The following RPS6KA6 variants were observed in gnomAD, a reference collection of about 807,000 sequenced individuals.
RPS6KA6 encodes ribosomal protein S6 kinase alpha-6.
In RPS6KA6, 27 loss-of-function variants were observed where a neutral mutation model predicts 65.4. That is an observed-to-expected ratio of 0.41 (90% CI 0.30 to 0.57). The LOEUF is 0.57. Ranked by LOEUF, RPS6KA6 falls within the 20% of genes least tolerant of loss-of-function variation. RPS6KA6 has a pLI of 0.24. For missense variants in RPS6KA6, 486 were observed against 555.6 expected, an observed-to-expected ratio of 0.87 and a Z score of 1.26; for synonymous variants, 190 against 184.2, an observed-to-expected ratio of 1.03 and a Z score of -0.26.
intron 20 of RPS6KA6, among the ~76,000 whole-genome samples, chrX:84,091,199 AAAAT>A (rs199951619): frequency 6.2e-4 from 70 of 112,603 alleles, no homozygotes; most frequent in African/African-American, 2.0e-3. Context: ...GCCAAAATGA[AAAAT>A]AAATATTTAT....
At chrX:84,113,469 T>A (rs1335312028) in intron 12 of RPS6KA6, among the ~76,000 whole-genome samples, 1 of 111,944 alleles carries the variant, frequency 8.9e-6, no homozygotes, top group Non-Finnish European at 1.9e-5. Flanking sequence ...TTAATCATGA[T>A]CAAGTGGATT....
intron 20 of RPS6KA6, among the ~76,000 whole-genome samples, chrX:84,069,814 C>T (rs1449567917): frequency 8.9e-6 from 1 of 112,447 alleles, no homozygotes; most frequent in Non-Finnish European, 1.9e-5. Context: ...AAAAAAAGCT[C>T]ATCATCACTG....
intron 21 of RPS6KA6, among the ~76,000 whole-genome samples, chrX:84,064,680 T>G (rs1377946951): frequency 9.0e-6 from 1 of 111,509 alleles, no homozygotes; most frequent in Non-Finnish European, 1.9e-5. Flanking sequence ...AGTTATAAAT[T>G]AAGAACTAAC....
At chrX:84,157,679 T>C (rs1403652066) in intron 2 of RPS6KA6, among the ~76,000 whole-genome samples, 1 of 110,888 alleles carries the variant, frequency 9.0e-6, no homozygotes, top group African/African-American at 3.3e-5. Flanking sequence ...GATTCTATAC[T>C]GAACACAATA....
At chrX:84,133,593 T>C (rs1210911285) in intron 8 of RPS6KA6, among the ~76,000 whole-genome samples, 1 of 111,334 alleles carries the variant, frequency 9.0e-6, no homozygotes, top group African/African-American at 3.3e-5. Flanking sequence ...AACCTTAATG[T>C]AGAGAGAGAA....
chrX:84,071,852 T>C (rs2033549902), intron 20 of RPS6KA6, among the ~76,000 whole-genome samples: 1 of 111,419 alleles, frequency 9.0e-6, no homozygotes, highest in African/African-American at 3.3e-5. Context: ...ATTGATACGT[T>C]CCTGGATATA....
chrX:84,187,659 C>G (rs1248172487), intron 1 of RPS6KA6, among the ~76,000 whole-genome samples, 160 bp downstream of exon 1: 1 of 112,325 alleles, frequency 8.9e-6, no homozygotes, highest in Non-Finnish European at 1.9e-5. Flanking sequence ...GTCTCATCCC[C>G]GCCCGCTCCC....
chrX:84,067,564 T>A (rs1280524596), intron 20 of RPS6KA6, among the ~76,000 whole-genome samples: 1 of 111,155 alleles, frequency 9.0e-6, no homozygotes, highest in East Asian at 2.8e-4. Flanking sequence ...AACATGAAGA[T>A]TAGAGAAAAA....
chrX:84,159,967 T>A (rs1199194586), intron 2 of RPS6KA6, among the ~76,000 whole-genome samples: 1 of 111,121 alleles, frequency 9.0e-6, no homozygotes, highest in Admixed American at 9.6e-5. Flanking sequence ...ATCTCAATCT[T>A]ATAGAATGCA....
chrX:84,094,681 A>C (rs908454347), intron 20 of RPS6KA6, among the ~76,000 whole-genome samples: 1 of 110,145 alleles, frequency 9.1e-6, no homozygotes, highest in African/African-American at 3.3e-5. Context: ...TAAATACATA[A>C]ATAAATAAAA....
In RPS6KA6 at chrX:84,133,740, A is replaced by T. The variant is rs2034944398; in HGVS notation, c.646+1042T>A. ...AATTGCTATAAAATAAAATTTATGT[A>T]TTATATAAAAATCTCAAAACTCTAC... is the stretch of plus-strand genomic sequence containing the variant. On this transcript the variant is annotated intron_variant, in intron 8 of 21. Coordinates refer to ENST00000262752, the MANE Select transcript of RPS6KA6 (RefSeq NM_014496.5). 2.7e-5 allele frequency among the ~76,000 whole-genome samples: 3 copies of T among 111,721 alleles called. No individual in the cohort carries two copies. The South Asian group carries it at 1.1e-3, about 41-fold the overall frequency.
intron 2 of RPS6KA6, 126 bp from the exon 3 acceptor site, chrX:84,156,317 A>C: frequency 2.4e-6 from 1 of 409,413 alleles, no homozygotes; most frequent in South Asian, 5.0e-5. Context: ...TTTATGGGCT[A>C]CCAGTATCCT....
At chrX:84,108,071 C>G (rs753340248) in intron 12 of RPS6KA6, among the ~76,000 whole-genome samples, 5 of 111,733 alleles carry the variant, frequency 4.5e-5, no homozygotes, top group African/African-American at 9.7e-5. Context: ...TTAAAAAGTG[C>G]ATATTTCATC....
At chrX:84,162,397 G>A (rs759009147) in intron 2 of RPS6KA6, among the ~76,000 whole-genome samples, 25 of 111,624 alleles carry the variant, frequency 2.2e-4, no homozygotes, top group Non-Finnish European at 4.5e-4. Context: ...AAAGTACATG[G>A]TTTCAAGTCC....
intron 20 of RPS6KA6, among the ~76,000 whole-genome samples, chrX:84,065,508 G>A (rs1224031136): frequency 9.0e-6 from 1 of 111,434 alleles, no homozygotes; most frequent in East Asian, 2.8e-4. Context: ...ACATAGAAGG[G>A]AGGGTCCCAT....
chrX:84,114,253 T>G (rs2034523107), intron 12 of RPS6KA6, among the ~76,000 whole-genome samples: 1 of 111,008 alleles, frequency 9.0e-6, no homozygotes, highest in East Asian at 2.8e-4. Context: ...TTTGGGAGGC[T>G]GAGGCAGGAG....
chrX:84,068,178 G>A (rs2033446932), intron 20 of RPS6KA6, among the ~76,000 whole-genome samples: 1 of 111,049 alleles, frequency 9.0e-6, no homozygotes, highest in East Asian at 2.8e-4. Context: ...AAAATATAAA[G>A]ACCAATGACA....
At chrX:84,143,469 A>ACTTAGAGGT (rs1259943822) in intron 6 of RPS6KA6, among the ~76,000 whole-genome samples, 1 of 111,302 alleles carries the variant, frequency 9.0e-6, no homozygotes, top group Non-Finnish European at 1.9e-5. Flanking sequence ...AACAGGATTT[A>ACTTAGAGGT]CTTAGAGGTA....
rs190324782 is a variant in RPS6KA6 at position 84,075,015 on chromosome X, A to G, written c.1972-9904T>C. ...TTTGGGAGGCCAAGGCGGGTGGATC[A>G]TGAGGTCAGGAGCTCGAGACCAGCC... On this transcript the variant is annotated intron_variant, in intron 20 of 21. Coordinates refer to ENST00000262752, the MANE Select transcript of RPS6KA6 (RefSeq NM_014496.5). Among the ~76,000 whole-genome samples, 69 of 111,856 alleles carry G rather than the reference A, an allele frequency of 6.2e-4. 1 individual carries two copies. The East Asian group carries it at 0.011, about 18-fold the overall frequency.
Sources: allele counts gnomAD v4.1 joint callset (sites outside exome capture counted in the v4.1 genomes callset), GRCh38; gene constraint gnomAD v4.1.1; transcripts MANE v1.5; gene names NCBI Gene and HGNC (gene_info 2026-07-23, HGNC 2026-07-21).